The following AFF2 variants were observed in gnomAD, a reference collection of about 807,000 sequenced individuals.
AFF2 encodes ALF transcription elongation factor 2.
AFF2 carries 14 observed loss-of-function variants against 76.9 expected under a neutral mutation model. The observed-to-expected ratio is 0.18, with a 90% CI of 0.12 to 0.28. The LOEUF (loss-of-function observed/expected upper bound fraction) is 0.28. AFF2 is among the 10% of genes least tolerant of loss of function. The pLI is 1.00. For synonymous variants in AFF2, 398 were observed against 366.7 expected, an observed-to-expected ratio of 1.09 and a Z score of -0.98; for missense variants, 868 against 1,001.1, an observed-to-expected ratio of 0.87 and a Z score of 1.79.
intron 9 of AFF2, among the ~76,000 whole-genome samples, chrX:148,913,469 C>G (rs1395697189): frequency 8.9e-6 from 1 of 111,978 alleles, no homozygotes; most frequent in Non-Finnish European, 1.9e-5. Flanking sequence ...TTCTTCAAAA[C>G]TTCAAACACG....
At chrX:148,555,360 C>T (rs1417012032) in intron 1 of AFF2, among the ~76,000 whole-genome samples, 1 of 112,270 alleles carries the variant, frequency 8.9e-6, no homozygotes, top group Non-Finnish European at 1.9e-5. Context: ...TTTAATTATT[C>T]GTTCCTTTCT....
chrX:148,826,223 G>A (rs1426854137), intron 4 of AFF2, among the ~76,000 whole-genome samples: 4 of 75,127 alleles, frequency 5.3e-5, no homozygotes, highest in Middle Eastern at 0.011. Flanking sequence ...TATTAGGGAA[G>A]CTTGCAAGGG....
At chrX:148,549,793 C>G (rs782420921) in intron 1 of AFF2, among the ~76,000 whole-genome samples, 1 of 111,618 alleles carries the variant, frequency 9.0e-6, no homozygotes, top group East Asian at 2.8e-4. Flanking sequence ...CTTCTTTCCC[C>G]CAGTTGCTAT....
At chrX:148,578,752 A>G (rs1416894403) in intron 1 of AFF2, among the ~76,000 whole-genome samples, 3 of 111,903 alleles carry the variant, frequency 2.7e-5, no homozygotes, top group African/African-American at 9.7e-5. Context: ...TGTAACTAGC[A>G]CTTTGCAGGG....
In AFF2 at chrX:148,795,800, C is replaced by CAA. The variant is rs146034170; in HGVS notation, c.1042-14044_1042-14043dup. On this transcript the variant is annotated intron_variant, in intron 3 of 20. Coordinates refer to ENST00000370460, the MANE Select transcript of AFF2 (RefSeq NM_002025.4). ...CCTGGGCGACAGAGTGAGACTGTCT[C>CAA]AAAAAAAAAAAAAAAAAAAAAAAAA... is the stretch of plus-strand genomic sequence containing the variant. Among the ~76,000 whole-genome samples the CAA allele has an allele frequency of 1.3e-3, 7 of 5,371 alleles. 2 individuals are homozygous for CAA. The highest frequency in any genetic ancestry group is 2.1e-3 in the Non-Finnish European group (5 of 2,407). 4.7% of individuals were successfully genotyped at this position (5,371 alleles called of 115,157 possible). A position where few individuals can be genotyped will look rare whatever the true frequency, so the allele number is the denominator to read the frequency against.
At chrX:148,660,828 A>C (rs241107) in intron 2 of AFF2, among the ~76,000 whole-genome samples, 22,537 of 111,026 alleles carry the variant, frequency 0.2, 1,670 homozygotes, top group African/African-American at 0.23. Context: ...GTTTTGATAA[A>C]CTCTTTGGCA....
chrX:148,700,049 C>A (rs1224359979), intron 3 of AFF2, among the ~76,000 whole-genome samples: 1 of 111,167 alleles, frequency 9.0e-6, no homozygotes, highest in Non-Finnish European at 1.9e-5. Flanking sequence ...GAGAAACTGT[C>A]AGGGTATGTG....
At chrX:148,541,806 G>A (rs1192725581) in intron 1 of AFF2, among the ~76,000 whole-genome samples, 6 of 109,803 alleles carry the variant, frequency 5.5e-5, no homozygotes, top group African/African-American at 1.7e-4. Flanking sequence ...CATTTGTAGA[G>A]TACTTTAGAT....
rs1557292418 is a variant in AFF2, at chrX:148,992,174, C to T, written c.*842C>T. The T allele has an allele frequency of 8.9e-6, 1 of 112,073 alleles. No individual in the cohort carries two copies. Among genetic ancestry groups the T allele is most frequent in the Non-Finnish European group, 1.9e-5 (1 of 53,227 alleles). 9.2% of individuals were successfully genotyped at this position (112,073 alleles called of 1,213,427 possible). A position where few individuals can be genotyped will look rare whatever the true frequency, so the allele number is the denominator to read the frequency against. The stretch of plus-strand genomic sequence containing the variant: ...GCATGCCTTAGTAGCCAAAATGCTA[C>T]ACTCTAGACTTACAAGTGGGAGTTA... On this transcript the variant is annotated 3_prime_UTR_variant, in exon 21 of 21. Coordinates refer to ENST00000370460, the MANE Select transcript of AFF2 (RefSeq NM_002025.4).
At chrX:148,736,624 G>T (rs1175915209) in intron 3 of AFF2, among the ~76,000 whole-genome samples, 2 of 111,329 alleles carry the variant, frequency 1.8e-5, no homozygotes, top group South Asian at 3.8e-4. Flanking sequence ...GTTTAATTAG[G>T]TCCCAGCTAT....
intron 1 of AFF2, among the ~76,000 whole-genome samples, chrX:148,510,551 A>C (rs1557233010): frequency 1.8e-5 from 2 of 111,763 alleles, no homozygotes. Flanking sequence ...TTTACCACTC[A>C]TCCTTAGTAT....
intron 1 of AFF2, among the ~76,000 whole-genome samples, chrX:148,523,133 A>G (rs1458683587): frequency 1.8e-5 from 2 of 112,487 alleles, no homozygotes; most frequent in African/African-American, 6.5e-5. Flanking sequence ...TATTTATGGT[A>G]GCTGCTAATG....
chrX:148,577,300 C>T (rs1043875327), intron 1 of AFF2, among the ~76,000 whole-genome samples: 6 of 112,317 alleles, frequency 5.3e-5, no homozygotes, highest in Middle Eastern at 4.7e-3. Context: ...TGTGTGTGCG[C>T]GCACACACGT....
chrX:148,897,261 ATATATATATATGTATATG>A (rs1569556773), intron 8 of AFF2, among the ~76,000 whole-genome samples: 5 of 40,090 alleles, frequency 1.2e-4, no homozygotes, highest in Non-Finnish European at 1.6e-4. Flanking sequence ...ATATATATAT[ATATATATATATGTATATG>A]AAAAATATAT....
chrX:148,951,690 G>A (rs1048157864), intron 9 of AFF2, among the ~76,000 whole-genome samples: 1 of 111,342 alleles, frequency 9.0e-6, no homozygotes, highest in Non-Finnish European at 1.9e-5. Context: ...TTTAGTAACC[G>A]AAGACAAAAA....
intron 19 of AFF2, among the ~76,000 whole-genome samples, chrX:148,984,094 G>T (rs929573025): frequency 8.1e-5 from 9 of 110,443 alleles, no homozygotes; most frequent in Non-Finnish European, 1.5e-4. Flanking sequence ...GGCTGCTGAG[G>T]ATAGGGGAGG....
chrX:148,798,220 G>C (rs1268297789), intron 3 of AFF2, among the ~76,000 whole-genome samples: 1 of 111,321 alleles, frequency 9.0e-6, no homozygotes, highest in Non-Finnish European at 1.9e-5. Flanking sequence ...TGCCAAACTT[G>C]TCATTTTATC....
chrX:148,656,157 A>AGAATGTT (rs1286671588), intron 2 of AFF2, among the ~76,000 whole-genome samples: 4 of 111,821 alleles, frequency 3.6e-5, no homozygotes. Flanking sequence ...CAGAATGGAG[A>AGAATGTT]GAATGTTGAC....
chrX:148,564,128 C>T (rs1021760214), intron 1 of AFF2, among the ~76,000 whole-genome samples: 1 of 111,979 alleles, frequency 8.9e-6, no homozygotes, highest in Non-Finnish European at 1.9e-5. Flanking sequence ...CTTCTTCCCT[C>T]ACTGTTGAAA....
Sources: allele counts gnomAD v4.1 joint callset (sites outside exome capture counted in the v4.1 genomes callset), GRCh38; gene constraint gnomAD v4.1.1; transcripts MANE v1.5; gene names NCBI Gene and HGNC (gene_info 2026-07-23, HGNC 2026-07-21).